The following ANKRD28 variants were observed in gnomAD, a reference collection of about 807,000 sequenced individuals.
The protein encoded by ANKRD28 is serine/threonine-protein phosphatase 6 regulatory ankyrin repeat subunit A.
In ANKRD28, 44 loss-of-function variants were observed where a neutral mutation model predicts 126.5. The ratio of observed to expected loss-of-function variants is 0.35; its 90% CI spans 0.27 to 0.45. ANKRD28 has a LOEUF of 0.45. Ranked by LOEUF, ANKRD28 falls within the 20% of genes least tolerant of loss-of-function variation. The probability of loss-of-function intolerance (pLI) is 1.00; values close to 1 mark genes in which losing one functional copy is unlikely to be tolerated. For synonymous variants in ANKRD28, 442 were observed against 468.5 expected, an observed-to-expected ratio of 0.94 and a Z score of 0.73; for missense variants, 1,110 against 1,316.6, an observed-to-expected ratio of 0.84 and a Z score of 2.43.
rs11714554 is a variant in ANKRD28 at position 15,821,868 on chromosome 3, T to A, written c.28-26562A>T. 3.3e-3 allele frequency among the ~76,000 whole-genome samples: 495 copies of A among 152,220 alleles called. 3 individuals are homozygous for A. Among genetic ancestry groups the A allele is most frequent in the Non-Finnish European group, 6.0e-3 (409 of 67,998 alleles). ...TGTAGTGGCTCCCTGAAGGATTGGG[T>A]CAAGGGCTTGTCTTTGTTCCACCAT... On this transcript the variant is annotated intron_variant, in intron 1 of 27. Coordinates refer to the ANKRD28 transcript ENST00000399451.
In ANKRD28 at chr3:15,711,322, C is replaced by T. The variant is rs138717156; in HGVS notation, c.1274-48G>A. ...TTTATAACAGACATATTATTTTACA[C>T]TAAAGAATTGTGTCATGAAACATCA... is the stretch of plus-strand genomic sequence containing the variant. On this transcript the variant is annotated intron_variant, in intron 11 of 27. Coordinates refer to ENST00000683139, the MANE Select transcript of ANKRD28 (RefSeq NM_001349278.2). 1,079 of 1,487,120 alleles carry T rather than the reference C, an allele frequency of 7.3e-4. 12 individuals carry two copies. The African/African-American group carries it at 0.014, about 19-fold the overall frequency. The allele number at this position is 1,487,120 out of a possible 1,614,324, so 92.1% of individuals were successfully genotyped here. A position where few individuals can be genotyped will look rare whatever the true frequency, so the allele number is the denominator to read the frequency against.
At chr3:15,723,617 C>A (rs1030982250) in intron 7 of ANKRD28, among the ~76,000 whole-genome samples, 14 of 151,838 alleles carry the variant, frequency 9.2e-5, no homozygotes, top group Admixed American at 2.0e-4. Context: ...ACAGCAAGAC[C>A]TCATCTCTAC....
chr3:15,749,101 G>GT (rs869266246), intron 4 of ANKRD28, among the ~76,000 whole-genome samples: 768 of 53,024 alleles, frequency 0.014, 28 homozygotes, highest in Non-Finnish European at 0.024. Flanking sequence ...TTATGTTTTT[G>GT]TTTTTTTTTT....
intron 3 of ANKRD28, among the ~76,000 whole-genome samples, 155 bp downstream of exon 3, chr3:15,766,079 G>A (rs757666236): frequency 1.3e-5 from 2 of 152,042 alleles, no homozygotes; most frequent in Non-Finnish European, 2.9e-5. Context: ...AAAGATATGT[G>A]ATCAGTATTT....
At chr3:15,784,006 A>G (rs1405417865) in intron 2 of ANKRD28, among the ~76,000 whole-genome samples, 2 of 151,982 alleles carry the variant, frequency 1.3e-5, no homozygotes, top group South Asian at 2.1e-4. Context: ...GAAAGCAAGA[A>G]AAGAGTCCGG....
chr3:15,809,934 C>T (rs1204713848), intron 1 of ANKRD28, among the ~76,000 whole-genome samples: 6 of 152,144 alleles, frequency 3.9e-5, no homozygotes, highest in Admixed American at 3.9e-4. Context: ...TATGCCCTTG[C>T]AGATGCTGTT....
chr3:15,848,365 T>G (rs1002052832), intron 1 of ANKRD28, among the ~76,000 whole-genome samples: 3 of 152,200 alleles, frequency 2.0e-5, no homozygotes, highest in Admixed American at 2.0e-4. Context: ...ACAGGGGCTA[T>G]TTAATCCATG....
At chr3:15,741,939 G>C (rs1172041575) in intron 4 of ANKRD28, among the ~76,000 whole-genome samples, 1 of 151,940 alleles carries the variant, frequency 6.6e-6, no homozygotes, top group Non-Finnish European at 1.5e-5. Context: ...GGGTTTCGCT[G>C]TGTTGGCCGG....
At chr3:15,774,164 T>C (rs190390826) in intron 2 of ANKRD28, among the ~76,000 whole-genome samples, 4 of 152,206 alleles carry the variant, frequency 2.6e-5, no homozygotes, top group Non-Finnish European at 5.9e-5. Flanking sequence ...CATAGACCTA[T>C]TTCCCAAATC....
chr3:15,710,775 C>G (rs2072160892), intron 12 of ANKRD28, among the ~76,000 whole-genome samples: 1 of 152,042 alleles, frequency 6.6e-6, no homozygotes, highest in Non-Finnish European at 1.5e-5. Context: ...CTTCCAATCT[C>G]AAACTTTCCT....
chr3:15,800,895 GTCT>G (rs1027420222), upstream of ANKRD28, among the ~76,000 whole-genome samples: 2 of 152,058 alleles, frequency 1.3e-5, no homozygotes, highest in African/African-American at 2.4e-5. Context: ...ACTGTTTTGT[GTCT>G]TCTTCTATTG....
intron 14 of ANKRD28, among the ~76,000 whole-genome samples, chr3:15,696,851 T>C (rs904192872): frequency 5.3e-5 from 8 of 152,104 alleles, no homozygotes; most frequent in Non-Finnish European, 1.0e-4. Flanking sequence ...AAACACTATA[T>C]GTAAAACCAC....
chr3:15,685,096 C>A (rs968038159), intron 21 of ANKRD28, 130 bp downstream of exon 21: 9 of 848,808 alleles, frequency 1.1e-5, no homozygotes, highest in African/African-American at 1.7e-5. Context: ...ATTATTAGTA[C>A]GTGAGCCTAT....
chr3:15,840,051 A>T (rs1026392653), intron 1 of ANKRD28, among the ~76,000 whole-genome samples: 1 of 152,200 alleles, frequency 6.6e-6, no homozygotes, highest in African/African-American at 2.4e-5. Flanking sequence ...GTCCTAGAGA[A>T]ATCAGACAAG....
At chr3:15,746,246 T>C (rs1326850349) in intron 4 of ANKRD28, among the ~76,000 whole-genome samples, 1 of 152,220 alleles carries the variant, frequency 6.6e-6, no homozygotes, top group Non-Finnish European at 1.5e-5. Flanking sequence ...CAGTACTATT[T>C]TGAATAGAAG....
At chr3:15,773,904 G>A (rs2059136831) in intron 2 of ANKRD28, among the ~76,000 whole-genome samples, 1 of 152,144 alleles carries the variant, frequency 6.6e-6, no homozygotes, top group African/African-American at 2.4e-5. Context: ...GGGGCCTCAC[G>A]CTGTTTGACT....
intron 1 of ANKRD28, among the ~76,000 whole-genome samples, chr3:15,809,255 C>T (rs1464026578): frequency 1.3e-5 from 2 of 152,182 alleles, no homozygotes; most frequent in Non-Finnish European, 2.9e-5. Context: ...CTAATTCAAA[C>T]CCACTTCAGT....
intron 6 of ANKRD28, among the ~76,000 whole-genome samples, chr3:15,730,684 T>C (rs183763517): frequency 1.3e-5 from 2 of 152,344 alleles, no homozygotes; most frequent in Admixed American, 1.3e-4. Flanking sequence ...AGAAGCTATA[T>C]GTCGATATTC....
rs12629595 is a variant in ANKRD28, at chr3:15,843,451, G to A, written c.27+15926C>T. 0.13 allele frequency among the ~76,000 whole-genome samples: 20,284 copies of A among 151,862 alleles called. 2,057 individuals carry two copies. Among genetic ancestry groups the A allele is most frequent in the East Asian group, 0.56 (2,894 of 5,168 alleles). On this transcript the variant is annotated intron_variant, in intron 1 of 27. Coordinates refer to the ANKRD28 transcript ENST00000399451. The surrounding 1 kb of genome is among the most constrained non-coding windows in gnomAD (Gnocchi z 5.2). ...ATCAGAATCTTAATAGCGTCCATCC[G>A]GACACCAATATACAACAATATGTAG...
Sources: gnomAD v4.1 joint callset for allele counts (sites outside exome capture counted in the v4.1 genomes callset) on GRCh38, gnomAD v4.1.1 for gene constraint, Gnocchi (gnomAD v3.1) non-coding constraint, MANE v1.5 for transcripts, NCBI Gene and HGNC (gene_info 2026-07-23, HGNC 2026-07-21) for gene names.